GMDS: variants seen among roughly 807,000 people sequenced by gnomAD.
GMDS encodes the protein GDP-mannose 4,6-dehydratase.
A neutral mutation model predicts 49.9 loss-of-function variants in GMDS; 20 were observed. That is an observed-to-expected ratio of 0.40 (90% CI 0.28 to 0.58). The LOEUF (loss-of-function observed/expected upper bound fraction) is 0.58, where lower values mean the gene tolerates loss of function less well. Among genes scored for constraint, GMDS ranks in the 20% least tolerant of loss-of-function variants. The pLI, the probability that GMDS is intolerant of heterozygous loss-of-function variation, is 0.42. For synonymous variants in GMDS, 177 were observed against 178.6 expected, an observed-to-expected ratio of 0.99 and a Z score of 0.07; for missense variants, 362 against 481.4, an observed-to-expected ratio of 0.75 and a Z score of 2.32.
At chr6:1,955,592 G>A (rs1763590746) in intron 6 of GMDS, among the ~76,000 whole-genome samples, 1 of 152,130 alleles carries the variant, frequency 6.6e-6, no homozygotes, top group Non-Finnish European at 1.5e-5. Context: ...CGGAGTGACT[G>A]GAAGGCTGAC....
chr6:1,923,820 CAT>C, intron 7 of GMDS, among the ~76,000 whole-genome samples: 1 of 152,172 alleles, frequency 6.6e-6, no homozygotes, highest in East Asian at 1.9e-4. Flanking sequence ...ATTTGTGTAA[CAT>C]AGGATACAAA....
At chr6:1,716,841 T>G (rs567184749) in intron 9 of GMDS, among the ~76,000 whole-genome samples, 1 of 152,150 alleles carries the variant, frequency 6.6e-6, no homozygotes, top group Non-Finnish European at 1.5e-5. Flanking sequence ...GCTCTAAAAC[T>G]CCCCTTTATT....
At chr6:2,239,568 T>C (rs1350465660) in intron 1 of GMDS, among the ~76,000 whole-genome samples, 1 of 152,184 alleles carries the variant, frequency 6.6e-6, no homozygotes, top group African/African-American at 2.4e-5. Flanking sequence ...TACAATTAAT[T>C]GGTATCAAAA....
chr6:1,701,117 C>T (rs188439639), intron 9 of GMDS, among the ~76,000 whole-genome samples: 53 of 152,292 alleles, frequency 3.5e-4, no homozygotes, highest in African/African-American at 1.2e-3. Context: ...TTGCTAAACC[C>T]ATTTGCCCTC....
chr6:2,201,026 G>A (rs1221506145), intron 1 of GMDS, among the ~76,000 whole-genome samples: 1 of 139,654 alleles, frequency 7.2e-6, no homozygotes, highest in African/African-American at 2.7e-5. Context: ...TAGCAGAGAC[G>A]TGAAGGATGA....
At chr6:1,660,392 T>A (rs1348181976) in intron 9 of GMDS, among the ~76,000 whole-genome samples, 1 of 151,970 alleles carries the variant, frequency 6.6e-6, no homozygotes, top group African/African-American at 2.4e-5. Context: ...GTTGACAGCA[T>A]CCAAAATCCA....
intron 7 of GMDS, among the ~76,000 whole-genome samples, chr6:1,865,923 C>T (rs1396938246): frequency 1.3e-5 from 2 of 152,196 alleles, no homozygotes; most frequent in Non-Finnish European, 2.9e-5. Flanking sequence ...ATACAGCCCC[C>T]AGCCCCACAC....
chr6:2,057,118 G>T (rs1182601622), intron 4 of GMDS, among the ~76,000 whole-genome samples: 1 of 152,174 alleles, frequency 6.6e-6, no homozygotes, highest in African/African-American at 2.4e-5. Context: ...GACAAACACT[G>T]AAAGTGCCTG....
chr6:2,039,678 T>C (rs1769534906), intron 4 of GMDS, among the ~76,000 whole-genome samples: 1 of 152,106 alleles, frequency 6.6e-6, no homozygotes, highest in Non-Finnish European at 1.5e-5. Context: ...CACTGTCTGT[T>C]ACCTCCACGT....
intron 6 of GMDS, among the ~76,000 whole-genome samples, chr6:1,945,148 C>T (rs1763018898): frequency 1.3e-5 from 2 of 151,942 alleles, no homozygotes; most frequent in South Asian, 4.2e-4. Flanking sequence ...TGTCGACATA[C>T]AATATAAAGT....
intron 4 of GMDS, among the ~76,000 whole-genome samples, chr6:2,085,822 T>C (rs925603338): frequency 6.6e-6 from 1 of 152,208 alleles, no homozygotes; most frequent in African/African-American, 2.4e-5. Context: ...TCACCACACC[T>C]GGCCAACCAT....
intron 6 of GMDS, among the ~76,000 whole-genome samples, chr6:1,942,651 A>C (rs1561909986): frequency 6.6e-6 from 1 of 152,238 alleles, no homozygotes; most frequent in Non-Finnish European, 1.5e-5. Flanking sequence ...GACTGAAAAG[A>C]TGAGGCCAAG....
At chr6:1,987,992 G>T (rs1049543621) in intron 4 of GMDS, among the ~76,000 whole-genome samples, 4 of 151,974 alleles carry the variant, frequency 2.6e-5, no homozygotes, top group Non-Finnish European at 5.9e-5. Context: ...TTAACACCAA[G>T]GAAAAAATAA....
In GMDS at chr6:2,155,983, C is replaced by T. The variant is rs902017093; in HGVS notation, c.103-31252G>A. Among the ~76,000 whole-genome samples, 6 of 151,826 alleles carry T rather than the reference C, an allele frequency of 4.0e-5. No homozygotes were observed. In the East Asian group the frequency reaches 5.8e-4, roughly 15 times the overall value. On this transcript the variant is annotated intron_variant, in intron 1 of 10. Coordinates refer to ENST00000380815, the MANE Select transcript of GMDS (RefSeq NM_001500.4). ...ACCCACAACAAAAGAAAATTTAAAT[C>T]GCTCATTGTTTTTTACATTTATTAG...
chr6:1,657,086 T>C (rs1763907108), intron 9 of GMDS, among the ~76,000 whole-genome samples: 2 of 152,336 alleles, frequency 1.3e-5, no homozygotes, highest in East Asian at 1.9e-4. Context: ...TGCCACAGGA[T>C]GACCATTGGC....
At chr6:1,701,909 C>G (rs552687682) in intron 9 of GMDS, among the ~76,000 whole-genome samples, 92 of 152,236 alleles carry the variant, frequency 6.0e-4, no homozygotes, top group Non-Finnish European at 1.2e-3. Flanking sequence ...GTAGTTCTTC[C>G]AAAGTAGCTG....
rs2295007 is a variant in GMDS at position 2,230,827 on chromosome 6, C to T, written c.102+14494G>A. ...TATATTTAAATGTAGAAAAGCAAAA[C>T]TTTAACAAAAATCTACTATGTATTA... On this transcript the variant is annotated intron_variant, in intron 1 of 10. Coordinates refer to ENST00000380815, the MANE Select transcript of GMDS (RefSeq NM_001500.4). 2.4e-3 allele frequency among the ~76,000 whole-genome samples: 357 copies of T among 151,536 alleles called. 1 individual carries two copies. The highest frequency in any genetic ancestry group is 4.0e-3 in the Non-Finnish European group (269 of 67,918).
intron 7 of GMDS, among the ~76,000 whole-genome samples, chr6:1,873,963 C>T (rs1758904068): frequency 1.3e-5 from 2 of 152,302 alleles, no homozygotes; most frequent in Non-Finnish European, 2.9e-5. Flanking sequence ...TTGTGTTCCC[C>T]AAAGGCCACA....
intron 8 of GMDS, among the ~76,000 whole-genome samples, chr6:1,738,164 C>CATAT (rs372647082): frequency 2.0e-5 from 3 of 149,904 alleles, no homozygotes; most frequent in African/African-American, 7.4e-5. Flanking sequence ...TACACACACA[C>CATAT]AGACACATAC....
Sources: gnomAD v4.1 joint callset for allele counts (sites outside exome capture counted in the v4.1 genomes callset) on GRCh38, gnomAD v4.1.1 for gene constraint, MANE v1.5 for transcripts, NCBI Gene and HGNC (gene_info 2026-07-23, HGNC 2026-07-21) for gene names.